The following UST variants were observed in gnomAD, a reference collection of about 807,000 sequenced individuals.
UST encodes chondroitin sulfate 2-O-sulfotransferase.
A neutral mutation model predicts 45.6 loss-of-function variants in UST; 21 were observed. That is an observed-to-expected ratio of 0.46 (90% confidence interval 0.33 to 0.66). UST has a LOEUF of 0.66. UST is among the 30% of genes least tolerant of loss of function. The probability of loss-of-function intolerance (pLI) is 0.02; values close to 1 mark genes in which losing one functional copy is unlikely to be tolerated. For synonymous variants in UST, 215 were observed against 200.6 expected (o/e 1.07, Z -0.61); for missense variants, 463 against 512.4 (o/e 0.90, Z 0.93).
At chr6:149,066,335 GGA>G (rs1385508495) in intron 7 of UST, 1 of 152,188 alleles carries the variant, frequency 6.6e-6, no homozygotes, top group African/African-American at 2.4e-5. Context: ...GTGATGGGGA[GGA>G]GAGAGAAAAG....
At chr6:148,880,241 C>G (rs965475368) in intron 1 of UST, among the ~76,000 whole-genome samples, 4 of 152,128 alleles carry the variant, frequency 2.6e-5, no homozygotes, top group African/African-American at 9.7e-5. Context: ...AGGCATGAGC[C>G]ACAGCACCCA....
intron 1 of UST, among the ~76,000 whole-genome samples, chr6:148,816,874 A>G (rs1385908129): frequency 1.3e-5 from 2 of 152,110 alleles, no homozygotes; most frequent in African/African-American, 2.4e-5. Context: ...TGAGCTTTCT[A>G]TTTGGATAAT....
chr6:148,954,898 C>G (rs932237265), intron 4 of UST, among the ~76,000 whole-genome samples: 2 of 152,150 alleles, frequency 1.3e-5, no homozygotes, highest in African/African-American at 2.4e-5. Flanking sequence ...GTTCTCTTCC[C>G]CAGTCTTTCA....
intron 1 of UST, among the ~76,000 whole-genome samples, chr6:148,809,708 G>A (rs981739619): frequency 3.9e-5 from 6 of 152,160 alleles, no homozygotes; most frequent in African/African-American, 1.4e-4. Flanking sequence ...TCTGTCTTTT[G>A]AATACCTTTG....
chr6:148,836,676 T>C (rs1336304491), intron 1 of UST, among the ~76,000 whole-genome samples: 1 of 152,210 alleles, frequency 6.6e-6, no homozygotes, highest in Non-Finnish European at 1.5e-5. Context: ...TGTGCCACTC[T>C]TTAAGACTTG....
intron 1 of UST, among the ~76,000 whole-genome samples, chr6:148,759,278 C>G (rs993825933): frequency 3.9e-5 from 6 of 152,166 alleles, no homozygotes; most frequent in Non-Finnish European, 8.8e-5. Flanking sequence ...GTAATCCCAG[C>G]ACTTTGGGAG....
chr6:148,930,095 C>T (rs920508489), intron 2 of UST, among the ~76,000 whole-genome samples: 2 of 152,152 alleles, frequency 1.3e-5, no homozygotes, highest in African/African-American at 2.4e-5. Context: ...GTTCAAATGC[C>T]GTGTTCTCTG....
chr6:148,772,525 C>T (rs529589035), intron 1 of UST, among the ~76,000 whole-genome samples: 19 of 151,930 alleles, frequency 1.3e-4, no homozygotes, highest in South Asian at 8.3e-4. Flanking sequence ...TGGGTTCAAG[C>T]GATTCTCATG....
rs1582845402 is a variant in UST at position 148,841,150 on chromosome 6, A to G, written c.248-45836A>G. ...ACTAGTAAGATTTGAAATAGAATAA[A>G]ACGTATTTCTTATAGCTTGTGAAGA... On this transcript the variant is annotated intron_variant, in intron 1 of 7. Transcript: ENST00000367463. 3.3e-5 allele frequency among the ~76,000 whole-genome samples: 5 copies of G among 152,222 alleles called. No individual in the cohort carries two copies. The South Asian group carries it at 1.0e-3, about 32-fold the overall frequency.
chr6:148,876,814 C>G (rs945650461), intron 1 of UST, among the ~76,000 whole-genome samples: 1 of 151,666 alleles, frequency 6.6e-6, no homozygotes, highest in Non-Finnish European at 1.5e-5. Flanking sequence ...CATTGGGCTC[C>G]TCTGTGCTGA....
chr6:149,024,730 GC>G (rs1444230017), intron 7 of UST, among the ~76,000 whole-genome samples: 1 of 152,046 alleles, frequency 6.6e-6, no homozygotes, highest in African/African-American at 2.4e-5. Context: ...ATGTCTTAGG[GC>G]ATACTAAAAT....
At chr6:148,874,779 A>G (rs1778617793) in intron 1 of UST, among the ~76,000 whole-genome samples, 1 of 152,254 alleles carries the variant, frequency 6.6e-6, no homozygotes, top group Non-Finnish European at 1.5e-5. Context: ...TACACAGCAC[A>G]CAAATTCCTC....
chr6:148,906,862 G>A (rs1416492270), intron 2 of UST, among the ~76,000 whole-genome samples: 1 of 152,160 alleles, frequency 6.6e-6, no homozygotes, highest in East Asian at 1.9e-4. Flanking sequence ...TGTTGGCATG[G>A]TATGAGTTAG....
intron 5 of UST, among the ~76,000 whole-genome samples, chr6:149,006,531 A>G (rs114095409): frequency 1.5e-3 from 224 of 152,306 alleles, no homozygotes; most frequent in African/African-American, 5.0e-3. Flanking sequence ...TGTCCTTGCT[A>G]TTATGAATAG....
intron 1 of UST, among the ~76,000 whole-genome samples, chr6:148,778,417 G>A (rs1435146598): frequency 6.6e-6 from 1 of 152,190 alleles, no homozygotes; most frequent in Non-Finnish European, 1.5e-5. Flanking sequence ...TGAAAGTCCT[G>A]AGTGAGGATC....
rs1776880602 is a variant in UST, at chr6:149,075,680, C to A, written c.*1564C>A. ...AAAAAAAATGCTGAAAATACACATTCTCCTGGGAAGACGATAAACAGCTAG... is the reference window on the plus strand; with the variant it reads ...AAAAAAAATGCTGAAAATACACATTATCCTGGGAAGACGATAAACAGCTAG... On this transcript the variant is annotated 3_prime_UTR_variant, in exon 8 of 8. Coordinates refer to ENST00000367463, the MANE Select transcript of UST (RefSeq NM_005715.3). 6.6e-6 allele frequency: 1 copy of A among 152,108 alleles called. No homozygotes were observed. The highest frequency in any genetic ancestry group is 2.1e-4 in the South Asian group (1 of 4,824). 9.4% of individuals were successfully genotyped at this position (152,108 alleles called of 1,614,324 possible).
intron 7 of UST, among the ~76,000 whole-genome samples, chr6:149,059,007 G>T (rs1042692463): frequency 6.6e-6 from 1 of 152,110 alleles, no homozygotes; most frequent in Non-Finnish European, 1.5e-5. Flanking sequence ...CTTTTTAATG[G>T]TCTGGGCCAT....
intron 1 of UST, among the ~76,000 whole-genome samples, chr6:148,854,846 T>C (rs1778171363): frequency 6.6e-6 from 1 of 152,190 alleles, no homozygotes; most frequent in South Asian, 2.1e-4. Flanking sequence ...TGGATATTAA[T>C]TATTCCGATG....
chr6:148,915,422 A>G (rs1779569114), intron 2 of UST, among the ~76,000 whole-genome samples: 1 of 152,102 alleles, frequency 6.6e-6, no homozygotes, highest in Admixed American at 6.6e-5. Flanking sequence ...GGCTGGTAAC[A>G]TAAATGGAGA....
Sources: allele counts gnomAD v4.1 joint callset (sites outside exome capture counted in the v4.1 genomes callset), GRCh38; gene constraint gnomAD v4.1.1; transcripts MANE v1.5; gene names NCBI Gene and HGNC (gene_info 2026-07-23, HGNC 2026-07-21).